VPS53: variants seen among roughly 807,000 people sequenced by gnomAD.
VPS53 encodes the protein vacuolar protein sorting-associated protein 53 homolog.
In VPS53, 70 loss-of-function variants were observed where a neutral mutation model predicts 107.0. The ratio of observed to expected loss-of-function variants is 0.65; its 90% CI spans 0.54 to 0.80. VPS53 has a LOEUF of 0.80. Among genes scored for constraint, VPS53 ranks in the 30% least tolerant of loss-of-function variants. The probability of loss-of-function intolerance (pLI) is 0.00; values close to 1 mark genes in which losing one functional copy is unlikely to be tolerated. For missense variants in VPS53, 917 were observed against 1,049.4 expected, an observed-to-expected ratio of 0.87 and a Z score of 1.74; for synonymous variants, 409 against 393.3, an observed-to-expected ratio of 1.04 and a Z score of -0.47.
intron 4 of VPS53, among the ~76,000 whole-genome samples, chr17:662,815 AAG>A (rs1267438456): frequency 1.3e-5 from 2 of 148,910 alleles, no homozygotes; most frequent in Non-Finnish European, 3.0e-5. Flanking sequence ...GAAAAAAAGA[AAG>A]AAAGAGAAAG....
Position 519,736 on chromosome 17 carries a change from C to T in VPS53, c.2328+90G>A. On this transcript the variant is annotated intron_variant, in intron 21 of 21. Transcript: ENST00000437048. The surrounding 1 kb of genome is among the most constrained non-coding windows in gnomAD (Gnocchi z 5.0). ...GCCAGGCACATGCATTTTGAGAAAG[C>T]CCCCCCGGAACTTATATCCCAATTC... The T allele has an allele frequency of 1.0e-6, 1 of 968,272 alleles. No individual in the cohort carries two copies. Among genetic ancestry groups the T allele is most frequent in the Non-Finnish European group, 1.6e-6 (1 of 632,852 alleles). 60.0% of individuals were successfully genotyped at this position (968,272 alleles called of 1,614,324 possible).
At chr17:540,581 A>T (rs1010780600) in intron 17 of VPS53, 1 of 152,140 alleles carries the variant, frequency 6.6e-6, no homozygotes, top group African/African-American at 2.4e-5. Context: ...CCATCAGTAG[A>T]AATGAGACCT....
chr17:676,630 A>C (rs1179267954), intron 4 of VPS53, among the ~76,000 whole-genome samples: 2 of 152,226 alleles, frequency 1.3e-5, no homozygotes, highest in Non-Finnish European at 2.9e-5. Flanking sequence ...GAAGACTGCC[A>C]GTTTATATGG....
intron 13 of VPS53, among the ~76,000 whole-genome samples, chr17:573,390 C>T (rs772543501): frequency 2.0e-5 from 3 of 152,228 alleles, no homozygotes; most frequent in Admixed American, 1.3e-4. Flanking sequence ...CTGCCTCCTC[C>T]CTGAGTACTG....
chr17:556,179 A>T (rs1283821411), intron 15 of VPS53, among the ~76,000 whole-genome samples: 1 of 152,142 alleles, frequency 6.6e-6, no homozygotes, highest in African/African-American at 2.4e-5. Flanking sequence ...AGTCCCAGCC[A>T]CTTGGGAGGC....
intron 4 of VPS53, among the ~76,000 whole-genome samples, chr17:664,645 C>T (rs2143638387): frequency 6.6e-6 from 1 of 152,216 alleles, no homozygotes; most frequent in Admixed American, 6.5e-5. Context: ...ATAAGACTGT[C>T]CTGGCTGCTG....
intron 7 of VPS53, among the ~76,000 whole-genome samples, chr17:637,415 T>A (rs894988929): frequency 6.6e-6 from 1 of 152,230 alleles, no homozygotes; most frequent in African/African-American, 2.4e-5. Context: ...TGTCTCTATC[T>A]CCCTCAGTTC....
chr17:620,443 T>C (rs1397274052), intron 11 of VPS53, among the ~76,000 whole-genome samples: 4 of 152,098 alleles, frequency 2.6e-5, no homozygotes, highest in African/African-American at 9.7e-5. Flanking sequence ...AACAAGTGAG[T>C]GGGACTCCAG....
intron 4 of VPS53, among the ~76,000 whole-genome samples, chr17:695,906 C>T (rs921582900): frequency 1.1e-4 from 17 of 152,126 alleles, no homozygotes; most frequent in African/African-American, 3.9e-4. Context: ...GTAGACAATA[C>T]GATCAAACAC....
chr17:527,824 C>A (rs1442365575), intron 19 of VPS53, among the ~76,000 whole-genome samples: 1 of 152,186 alleles, frequency 6.6e-6, no homozygotes, highest in Non-Finnish European at 1.5e-5. Flanking sequence ...GTTGCCCAGG[C>A]TGATCTCAAA....
intron 12 of VPS53, among the ~76,000 whole-genome samples, chr17:590,478 A>G (rs1482482914): frequency 2.0e-5 from 3 of 151,694 alleles, no homozygotes; most frequent in African/African-American, 7.3e-5. Flanking sequence ...GAATGCTTCC[A>G]GTTTTTGCCC....
intron 19 of VPS53, among the ~76,000 whole-genome samples, chr17:522,437 G>A (rs547573737): frequency 4.1e-4 from 62 of 152,264 alleles, no homozygotes; most frequent in African/African-American, 1.5e-3. Flanking sequence ...GCCTCATGGC[G>A]AGACCCCATC....
At chr17:585,451 G>A (rs1470512983) in intron 13 of VPS53, among the ~76,000 whole-genome samples, 3 of 152,166 alleles carry the variant, frequency 2.0e-5, no homozygotes, top group Non-Finnish European at 2.9e-5. Flanking sequence ...GAGCCCAGGA[G>A]TTCCAGACCA....
intron 17 of VPS53, among the ~76,000 whole-genome samples, chr17:550,254 G>A (rs1911703663): frequency 6.6e-6 from 1 of 152,174 alleles, no homozygotes; most frequent in Admixed American, 6.5e-5. Context: ...AGGTCTGTCT[G>A]ACTCTAAAGT....
intron 12 of VPS53, among the ~76,000 whole-genome samples, chr17:597,714 G>A (rs367752113): frequency 6.6e-6 from 1 of 151,480 alleles, no homozygotes; most frequent in African/African-American, 2.4e-5. Context: ...GGCTAATTTT[G>A]TATTTTTAGT....
At position 602,932 on chromosome 17, in the gene VPS53, G is replaced by C. The variant is rs185660362; in HGVS notation, c.1117-1036C>G. 3.7e-4 allele frequency among the ~76,000 whole-genome samples: 57 copies of C among 152,272 alleles called. No homozygotes were observed. The East Asian group carries it at 0.011, about 29-fold the overall frequency. ...TGCTTGGTGCTGGGGACGAGGGAAGGGGGCAAGGCATGGCTCTCTGGAGAC... is the reference window on the plus strand; with the variant it reads ...TGCTTGGTGCTGGGGACGAGGGAAGCGGGCAAGGCATGGCTCTCTGGAGAC... On this transcript the variant is annotated intron_variant, in intron 11 of 21. Coordinates refer to ENST00000437048, the MANE Select transcript of VPS53 (RefSeq NM_001128159.3).
rs199997997 is a variant in VPS53 at position 524,303 on chromosome 17, A to AAAG, written c.2086-2568_2086-2566dup. Among the ~76,000 whole-genome samples the AAAG allele has an allele frequency of 0.024, 3,630 of 152,204 alleles. 52 individuals carry two copies. The highest frequency in any genetic ancestry group is 0.068 in the East Asian group (351 of 5,174). ...AAATACATAAAAAATAAAAAATAAA[A>AAAG]AAGAAGAAGAAGAAGAAAATACAGA... On this transcript the variant is annotated intron_variant, in intron 19 of 21. Coordinates refer to ENST00000437048, the MANE Select transcript of VPS53 (RefSeq NM_001128159.3). The surrounding 1 kb of genome is among the most constrained non-coding windows in gnomAD (Gnocchi z 4.5).
chr17:632,239 C>G (rs1474158149), intron 7 of VPS53, among the ~76,000 whole-genome samples: 1 of 152,032 alleles, frequency 6.6e-6, no homozygotes, highest in Non-Finnish European at 1.5e-5. Context: ...CAGAGGGAGA[C>G]CTTGGCTCTA....
intron 19 of VPS53, among the ~76,000 whole-genome samples, chr17:527,788 G>T (rs1259334156): frequency 6.6e-6 from 1 of 152,106 alleles, no homozygotes; most frequent in Non-Finnish European, 1.5e-5. Flanking sequence ...TTTTTAAATT[G>T]TTTTGTAGAG....
Sources: allele counts gnomAD v4.1 joint callset (sites outside exome capture counted in the v4.1 genomes callset), GRCh38; gene constraint gnomAD v4.1.1; non-coding constraint Gnocchi (gnomAD v3.1); transcripts MANE v1.5; gene names NCBI Gene and HGNC (gene_info 2026-07-23, HGNC 2026-07-21).